SAMMSON: variants seen among roughly 807,000 people sequenced by gnomAD.
The protein encoded by SAMMSON is long intergenic non-protein coding RNA 1212.
chr3:70,305,355 A>G (rs1365325753), intron 7 of SAMMSON, among the ~76,000 whole-genome samples: 1 of 152,256 alleles, frequency 6.6e-6, no homozygotes, highest in East Asian at 1.9e-4. Flanking sequence ...AGAGCTAATA[A>G]TTCCATTACC....
chr3:70,298,773 T>C (rs148746843), intron 7 of SAMMSON, among the ~76,000 whole-genome samples: 15 of 152,220 alleles, frequency 9.9e-5, no homozygotes, highest in African/African-American at 3.6e-4. Flanking sequence ...CATCTTCAAG[T>C]AGATTTCAAA....
At chr3:70,037,153 A>G (rs892987682) in intron 3 of SAMMSON, among the ~76,000 whole-genome samples, 2 of 151,780 alleles carry the variant, frequency 1.3e-5, no homozygotes, top group Admixed American at 6.6e-5. Context: ...GTGAGCATCT[A>G]TTGATTTGTT....
At chr3:70,233,244 G>T (rs1481722513) in intron 4 of SAMMSON, among the ~76,000 whole-genome samples, 2 of 152,096 alleles carry the variant, frequency 1.3e-5, no homozygotes, top group Non-Finnish European at 2.9e-5. Context: ...TAATTAAACT[G>T]CTCTGCAAAA....
At chr3:70,337,488 C>G (rs1702674427) in intron 7 of SAMMSON, among the ~76,000 whole-genome samples, 2 of 151,722 alleles carry the variant, frequency 1.3e-5, no homozygotes, top group Admixed American at 1.3e-4. Flanking sequence ...AAGCAGCAAG[C>G]AAAGAATATG....
intron 4 of SAMMSON, among the ~76,000 whole-genome samples, chr3:70,095,394 A>G (rs1481633475): frequency 6.6e-6 from 1 of 152,162 alleles, no homozygotes; most frequent in Non-Finnish European, 1.5e-5. Flanking sequence ...AATAAACTCA[A>G]GATTTTCCTT....
chr3:70,244,296 G>A (rs1198658899), intron 4 of SAMMSON, among the ~76,000 whole-genome samples: 2 of 152,136 alleles, frequency 1.3e-5, no homozygotes, highest in African/African-American at 2.4e-5. Context: ...AAATGCTGCC[G>A]ACCACTGCAG....
intron 4 of SAMMSON, among the ~76,000 whole-genome samples, chr3:70,173,360 T>C (rs998384306): frequency 6.6e-6 from 1 of 151,978 alleles, no homozygotes; most frequent in Admixed American, 6.6e-5. Context: ...GAATGACTAC[T>C]ATTTGCTGTG....
chr3:70,312,132 T>G (rs933682612), intron 7 of SAMMSON, among the ~76,000 whole-genome samples: 4 of 152,176 alleles, frequency 2.6e-5, no homozygotes, highest in Non-Finnish European at 5.9e-5. Flanking sequence ...ATTTTATTCA[T>G]TTGTGTTATT....
chr3:70,323,422 A>G (rs948500194), intron 7 of SAMMSON, among the ~76,000 whole-genome samples: 1 of 152,146 alleles, frequency 6.6e-6, no homozygotes, highest in Non-Finnish European at 1.5e-5. Flanking sequence ...TTCTTACATC[A>G]CTGTATGCTT....
intron 4 of SAMMSON, chr3:70,205,198 A>T (rs1701278897): frequency 6.6e-6 from 1 of 152,086 alleles, no homozygotes. Context: ...ATTTTCTTGG[A>T]AAACTTCAAT....
chr3:70,402,662 G>GC (rs1701149386), intron 2 of SAMMSON, among the ~76,000 whole-genome samples: 2 of 152,126 alleles, frequency 1.3e-5, no homozygotes. Context: ...AGGAGTTCAA[G>GC]ACCAGCCTGG....
At chr3:70,117,973 A>G (rs1219628025) in intron 4 of SAMMSON, among the ~76,000 whole-genome samples, 2 of 152,070 alleles carry the variant, frequency 1.3e-5, no homozygotes, top group Non-Finnish European at 2.9e-5. Context: ...GCTGGAGTGC[A>G]GTGGCGCCAT....
At chr3:70,117,865 A>G in intron 4 of SAMMSON, among the ~76,000 whole-genome samples, 1 of 152,098 alleles carries the variant, frequency 6.6e-6, no homozygotes, top group East Asian at 1.9e-4. Flanking sequence ...ATTTCTAGCT[A>G]TTTATTTACC....
chr3:70,190,867 C>T (rs999393638), intron 4 of SAMMSON, among the ~76,000 whole-genome samples: 1 of 152,156 alleles, frequency 6.6e-6, no homozygotes, highest in African/African-American at 2.4e-5. Context: ...GGTTTACTGC[C>T]ATGCCCACAT....
intron 7 of SAMMSON, among the ~76,000 whole-genome samples, chr3:70,338,717 G>C (rs534198398): frequency 9.2e-5 from 14 of 152,162 alleles, no homozygotes; most frequent in Non-Finnish European, 1.5e-4. Context: ...CCTCTTCAAG[G>C]AGAACTACAA....
intron 4 of SAMMSON, among the ~76,000 whole-genome samples, chr3:70,245,707 A>G (rs1313716416): frequency 1.6e-4 from 23 of 139,394 alleles, no homozygotes; most frequent in African/African-American, 6.0e-4. Context: ...ATATATATAT[A>G]TATATATACA....
intron 3 of SAMMSON, among the ~76,000 whole-genome samples, chr3:70,066,012 C>A (rs1367999632): frequency 6.6e-6 from 1 of 152,062 alleles, no homozygotes; most frequent in East Asian, 1.9e-4. Flanking sequence ...CCTATGTAAC[C>A]AAAATTGATC....
intron 4 of SAMMSON, among the ~76,000 whole-genome samples, chr3:70,147,971 G>A (rs1245277194): frequency 3.3e-5 from 5 of 152,024 alleles, no homozygotes; most frequent in African/African-American, 1.2e-4. Context: ...TTTGAAAATG[G>A]GCAAAATTTG....
rs1702302187 is a variant in SAMMSON at position 70,297,544 on chromosome 3, G to A, written n.739+6301G>A. On this transcript the variant is annotated intron_variant and non_coding_transcript_variant, in intron 7 of 9. Coordinates refer to ENST00000642114, the Ensembl canonical transcript of SAMMSON. ...AATATGAAGGCTTATTATTGCATATGTCTGGGTACCCTGTGGAGCAATATG... is the reference window on the plus strand; with the variant it reads ...AATATGAAGGCTTATTATTGCATATATCTGGGTACCCTGTGGAGCAATATG... Among the ~76,000 whole-genome samples the A allele has an allele frequency of 2.6e-5, 4 of 152,060 alleles. No homozygotes were observed. The South Asian group carries it at 8.3e-4, about 31-fold the overall frequency.
Sources: allele counts gnomAD v4.1 joint callset (sites outside exome capture counted in the v4.1 genomes callset), GRCh38; gene constraint gnomAD v4.1.1; transcripts MANE v1.5; gene names NCBI Gene and HGNC (gene_info 2026-07-23, HGNC 2026-07-21).